Variants in PREP observed in about 807,000 individuals in gnomAD.
PREP encodes the protein dJ355L5.1 (prolyl endopeptidase).
PREP carries 29 observed loss-of-function variants against 87.6 expected under a neutral mutation model. That is an observed-to-expected ratio of 0.33 (90% CI 0.25 to 0.45). PREP has a LOEUF of 0.45. Among genes scored for constraint, PREP ranks in the 20% least tolerant of loss-of-function variants. The probability of loss-of-function intolerance (pLI) is 1.00; values close to 1 mark genes in which losing one functional copy is unlikely to be tolerated. For synonymous variants in PREP, 337 were observed against 328.6 expected (o/e 1.03, Z -0.28); for missense variants, 695 against 886.5 (o/e 0.78, Z 2.74).
At position 105,329,007 on chromosome 6, in the gene PREP, C is replaced by T. The variant is rs148617115; in HGVS notation, c.1035G>A (p.Arg345=). ...KDVLEWIACV[R]SNFLVLCYLH... Reference sequence around the variant, plus strand: ...GGTAGCATAAGACCAAGAAGTTGGACCTGACACAAGCTATCCATTCTGAAA... The same window carrying T: ...GGTAGCATAAGACCAAGAAGTTGGATCTGACACAAGCTATCCATTCTGAAA... Residue 345 remains arginine, a synonymous_variant, in exon 9 of 15, where the codon AGG becomes AGA. Transcript: ENST00000652536. 1.5e-4 allele frequency: 240 copies of T among 1,613,638 alleles called. No individual in the cohort carries two copies. The highest frequency in any genetic ancestry group is 1.9e-4 in the Non-Finnish European group (229 of 1,179,806).
intron 10 of PREP, chr6:105,322,712 ACTG>A (rs1406579260): frequency 1.5e-5 from 15 of 997,720 alleles, no homozygotes; most frequent in Non-Finnish European, 1.8e-5. Context: ...CAGTTTGCCA[ACTG>A]CTGATGTAGA....
At chr6:105,285,637 C>T in intron 11 of PREP, 57 bp from the exon 12 acceptor site, 1 of 1,408,330 alleles carries the variant, frequency 7.1e-7, no homozygotes, top group Admixed American at 1.7e-5. Flanking sequence ...AGACCATGCC[C>T]TCTCTCTCCA....
At chr6:105,402,792 G>T in intron 1 of PREP, 55 bp downstream of exon 1, 1 of 1,478,104 alleles carries the variant, frequency 6.8e-7, no homozygotes, top group Non-Finnish European at 9.1e-7. Context: ...CCACGGGTCA[G>T]GCAGGCTGGG....
In PREP at chr6:105,316,670, A is replaced by C. The variant is rs1770877788; in HGVS notation, c.1317+6995T>G. 7.2e-5 allele frequency among the ~76,000 whole-genome samples: 11 copies of C among 152,254 alleles called. No homozygotes were observed. The South Asian group carries it at 2.3e-3, about 32-fold the overall frequency. ...AATAAACTAATGGAAAAGGCAGTAA[A>C]ATCTCCATTAATATGTAACAAGGAG... On this transcript the variant is annotated intron_variant, in intron 10 of 14. Coordinates refer to ENST00000652536, the MANE Select transcript of PREP (RefSeq NM_002726.5).
intron 2 of PREP, among the ~76,000 whole-genome samples, chr6:105,389,869 T>C (rs552434276): frequency 2.6e-5 from 4 of 152,012 alleles, no homozygotes; most frequent in Non-Finnish European, 5.9e-5. Flanking sequence ...ACTTTTAAGG[T>C]TAACCCCAGA....
At chr6:105,365,617 A>G (rs1262671097) in intron 6 of PREP, among the ~76,000 whole-genome samples, 1 of 152,126 alleles carries the variant, frequency 6.6e-6, no homozygotes, top group African/African-American at 2.4e-5. Context: ...GATCACATAC[A>G]GCTGGGTTGG....
intron 10 of PREP, among the ~76,000 whole-genome samples, chr6:105,316,583 G>A (rs1770875224): frequency 6.6e-6 from 1 of 152,156 alleles, no homozygotes; most frequent in African/African-American, 2.4e-5. Flanking sequence ...TTTAAAAAAC[G>A]AGGAATCTGC....
intron 7 of PREP, among the ~76,000 whole-genome samples, chr6:105,337,999 T>A (rs1392260605): frequency 6.6e-6 from 1 of 151,446 alleles, no homozygotes; most frequent in Non-Finnish European, 1.5e-5. Flanking sequence ...AACAATGCTT[T>A]AAAAAAAAAT....
intron 2 of PREP, among the ~76,000 whole-genome samples, chr6:105,395,162 A>T (rs143912900): frequency 6.8e-4 from 104 of 152,306 alleles, no homozygotes; most frequent in African/African-American, 2.3e-3. Context: ...ATTACAATTT[A>T]AAAAATATAT....
chr6:105,281,779 G>A lies in PREP; in HGVS notation c.1805C>T (p.Ser602Leu). The A allele has an allele frequency of 6.2e-7, 1 of 1,614,004 alleles. No homozygotes were observed. The highest frequency in any genetic ancestry group is 8.5e-7 in the Non-Finnish European group (1 of 1,179,982). ...CCATTCAAAGTGTTGTTTGCTGTCC[G>A]AGCACCCATAATCAGTGGTCCAAGC... ...GHAWTTDYGC[S>L]DSKQHFEWLV... The change falls in exon 14 of 15, where the codon TCG (serine) becomes TTG (leucine). Residue 602 changes from serine (S) to leucine (L), a missense_variant. Physicochemically the swap from Ser to Leu is moderately radical, Grantham distance 145. Coordinates refer to ENST00000652536, the MANE Select transcript of PREP (RefSeq NM_002726.5).
At chr6:105,369,086 C>A in intron 5 of PREP, 62 bp from the exon 6 acceptor site, 1 of 1,568,696 alleles carries the variant, frequency 6.4e-7, no homozygotes, top group Non-Finnish European at 8.7e-7. Flanking sequence ...TCAATTCCAC[C>A]CATATTGCAG....
intron 10 of PREP, among the ~76,000 whole-genome samples, chr6:105,320,956 T>C (rs941224055): frequency 6.6e-6 from 1 of 152,214 alleles, no homozygotes; most frequent in Non-Finnish European, 1.5e-5. Context: ...TGTGAGAACA[T>C]CTGTCACGCT....
chr6:105,385,758 T>C (rs1338538284), intron 2 of PREP, among the ~76,000 whole-genome samples: 1 of 152,238 alleles, frequency 6.6e-6, no homozygotes, highest in Non-Finnish European at 1.5e-5. Flanking sequence ...AACACTATCA[T>C]TTAATGTTAA....
At chr6:105,377,924 GCTC>G (rs1043747077) in intron 2 of PREP, among the ~76,000 whole-genome samples, 2 of 151,892 alleles carry the variant, frequency 1.3e-5, no homozygotes, top group Non-Finnish European at 2.9e-5. Context: ...CCAGATCCAC[GCTC>G]CTAACAAACA....
At chr6:105,317,969 AT>A (rs1196340558) in intron 10 of PREP, among the ~76,000 whole-genome samples, 1 of 152,066 alleles carries the variant, frequency 6.6e-6, no homozygotes, top group Non-Finnish European at 1.5e-5. Flanking sequence ...TGAAAATTCT[AT>A]TTTTTAGGAG....
intron 7 of PREP, among the ~76,000 whole-genome samples, chr6:105,338,495 T>C (rs1273761754): frequency 6.6e-6 from 1 of 152,166 alleles, no homozygotes; most frequent in Non-Finnish European, 1.5e-5. Flanking sequence ...AGACGGGTGA[T>C]TTCTACATTT....
At chr6:105,287,955 C>T (rs528752045) in intron 11 of PREP, among the ~76,000 whole-genome samples, 1 of 152,276 alleles carries the variant, frequency 6.6e-6, no homozygotes, top group Admixed American at 6.5e-5. Context: ...GAAATAATCA[C>T]AGAAACAGCA....
intron 10 of PREP, among the ~76,000 whole-genome samples, chr6:105,292,927 CCT>C (rs765477929): frequency 6.6e-6 from 1 of 152,182 alleles, no homozygotes; most frequent in Non-Finnish European, 1.5e-5. Context: ...AGCTTCGTCA[CCT>C]CTCTTAGTCT....
intron 3 of PREP, 66 bp downstream of exon 3, chr6:105,377,320 T>G: frequency 6.7e-7 from 1 of 1,497,944 alleles, no homozygotes; most frequent in African/African-American, 1.4e-5. Flanking sequence ...CTGGAATTTG[T>G]ATTTTACAAT....
Sources: allele counts gnomAD v4.1 joint callset (sites outside exome capture counted in the v4.1 genomes callset), GRCh38; gene constraint gnomAD v4.1.1; transcripts MANE v1.5; gene names NCBI Gene and HGNC (gene_info 2026-07-23, HGNC 2026-07-21).